The following MRPS27 variants were observed in gnomAD, a reference collection of about 807,000 sequenced individuals.
MRPS27 encodes the protein mitochondrial ribosomal protein S27, also known as small ribosomal subunit protein mS27.
A neutral mutation model predicts 48.9 loss-of-function variants in MRPS27; 43 were observed. The observed-to-expected ratio is 0.88, with a 90% CI of 0.69 to 1.13. The LOEUF (loss-of-function observed/expected upper bound fraction) is 1.13. MRPS27 is among the 50% of genes most tolerant of loss of function. The pLI is 0.00. For missense variants in MRPS27, 467 were observed against 476.3 expected, an observed-to-expected ratio of 0.98 and a Z score of 0.18; for synonymous variants, 188 against 171.9, an observed-to-expected ratio of 1.09 and a Z score of -0.73.
chr5:72,245,152 G>GT (rs1438697828), intron 4 of MRPS27, among the ~76,000 whole-genome samples: 2 of 152,144 alleles, frequency 1.3e-5, no homozygotes, highest in Admixed American at 6.5e-5. Flanking sequence ...GAAGCAGCTG[G>GT]TAAGACTTCT....
At chr5:72,298,634 A>T (rs1306361854) in intron 2 of MRPS27, among the ~76,000 whole-genome samples, 1 of 150,654 alleles carries the variant, frequency 6.6e-6, no homozygotes, top group African/African-American at 2.4e-5. Flanking sequence ...TGAACCCGGG[A>T]AGCGGAGCTT....
At position 72,232,551 on chromosome 5, in the gene MRPS27, T is replaced by C. The variant is rs754551512; in HGVS notation, c.483A>G (p.Leu161=). The change falls in exon 7 of 11, where the codon TTA becomes TTG. Residue 161 remains leucine, a synonymous_variant. Coordinates refer to ENST00000261413, the MANE Select transcript of MRPS27 (RefSeq NM_015084.3). ...FIKKENYKDA[L]SVVFEVMMQE... ...GCATCATGACCTCAAAAACCACAGA[T>C]AAAGCATCTAGCAGAAGATGAAAGT... is the stretch of plus-strand genomic sequence containing the variant. 1.9e-6 allele frequency: 3 copies of C among 1,604,016 alleles called. No individual in the cohort carries two copies. Among genetic ancestry groups the C allele is most frequent in the East Asian group, 2.2e-5 (1 of 44,762 alleles).
intron 4 of MRPS27, among the ~76,000 whole-genome samples, chr5:72,263,084 G>A (rs975944414): frequency 3.9e-5 from 6 of 152,180 alleles, no homozygotes; most frequent in Non-Finnish European, 5.9e-5. Flanking sequence ...CAAGGCACCA[G>A]TTTTCATGGT....
intron 4 of MRPS27, among the ~76,000 whole-genome samples, chr5:72,280,386 G>A (rs1029235203): frequency 6.6e-6 from 1 of 152,074 alleles, no homozygotes; most frequent in Non-Finnish European, 1.5e-5. Flanking sequence ...CTAAAAACAA[G>A]TGATTTTTCC....
At chr5:72,237,467 A>G (rs1170741125) in intron 5 of MRPS27, among the ~76,000 whole-genome samples, 4 of 152,206 alleles carry the variant, frequency 2.6e-5, no homozygotes, top group African/African-American at 4.8e-5. Flanking sequence ...AAAGACTGTT[A>G]AAATATCTTT....
At chr5:72,228,096 T>A in intron 8 of MRPS27, 170 bp downstream of exon 8, 1 of 603,086 alleles carries the variant, frequency 1.7e-6, no homozygotes, top group Admixed American at 3.2e-5. Context: ...CCCTCTTTAC[T>A]CTCTTATGGA....
At chr5:72,221,389 T>A (rs1477636129) in intron 10 of MRPS27, among the ~76,000 whole-genome samples, 1 of 152,226 alleles carries the variant, frequency 6.6e-6, no homozygotes, top group Non-Finnish European at 1.5e-5. Context: ...CAGGTGCTGT[T>A]AGCTGTGGTT....
chr5:72,302,724 T>A (rs1225275355), intron 2 of MRPS27, among the ~76,000 whole-genome samples: 1 of 152,204 alleles, frequency 6.6e-6, no homozygotes, highest in Non-Finnish European at 1.5e-5. Flanking sequence ...GAGCATGTGA[T>A]GATCTACAGT....
intron 4 of MRPS27, among the ~76,000 whole-genome samples, chr5:72,247,071 GTA>G (rs1013521492): frequency 1.3e-5 from 2 of 152,182 alleles, no homozygotes; most frequent in African/African-American, 4.8e-5. Context: ...TCCTGCAACT[GTA>G]AAATGAAGAG....
chr5:72,288,159 T>G (rs914812304), intron 4 of MRPS27, among the ~76,000 whole-genome samples: 1 of 151,490 alleles, frequency 6.6e-6, no homozygotes, highest in Non-Finnish European at 1.5e-5. Flanking sequence ...GATGAAATAA[T>G]AAGACCAGTG....
At chr5:72,244,870 GCTCTCT>G (rs5868631) in intron 4 of MRPS27, among the ~76,000 whole-genome samples, 4 of 149,620 alleles carry the variant, frequency 2.7e-5, no homozygotes, top group African/African-American at 4.9e-5. Context: ...AAGCTCTGCT[GCTCTCT>G]CTCTCTCTCT....
intron 2 of MRPS27, among the ~76,000 whole-genome samples, chr5:72,300,701 T>C (rs745356170): frequency 5.9e-5 from 9 of 152,206 alleles, no homozygotes; most frequent in Admixed American, 6.5e-5. Context: ...AAAATAACTA[T>C]ATATTTCTCA....
At chr5:72,317,681 TTTTA>T (rs1187754793) in intron 1 of MRPS27, among the ~76,000 whole-genome samples, 1 of 151,698 alleles carries the variant, frequency 6.6e-6, no homozygotes, top group Non-Finnish European at 1.5e-5. Flanking sequence ...CCCGGCCTAA[TTTTA>T]TTTATTATTA....
intron 4 of MRPS27, among the ~76,000 whole-genome samples, chr5:72,292,151 A>ATTTTAATC (rs1749838019): frequency 8.2e-6 from 1 of 121,280 alleles, no homozygotes; most frequent in Non-Finnish European, 1.8e-5. Flanking sequence ...CTTTGTTGCT[A>ATTTTAATC]TTTTAATCAC....
Position 72,232,481 on chromosome 5 carries a change from CAT to C in MRPS27, c.551_552del (p.Tyr184CysfsTer73), listed in dbSNP as rs781723086. On this transcript the variant is annotated frameshift_variant, in exon 7 of 11. Coordinates refer to ENST00000261413, the MANE Select transcript of MRPS27 (RefSeq NM_015084.3). LOFTEE classifies it high-confidence loss of function. ...EVPSTQLLSL[Y>X]VLFHCLAKKT... ...TTCTTTGCCAGGCAATGAAATAAAACATAGAGGGAGAGAAGTTGGGTGGAAGG... is the reference window on the plus strand; with the variant it reads ...TTCTTTGCCAGGCAATGAAATAAAACAGAGGGAGAGAAGTTGGGTGGAAGG... 1.9e-6 allele frequency: 3 copies of C among 1,612,538 alleles called. No individual in the cohort carries two copies. The highest frequency in any genetic ancestry group is 2.5e-6 in the Non-Finnish European group (3 of 1,179,052).
intron 2 of MRPS27, among the ~76,000 whole-genome samples, chr5:72,302,999 A>G (rs1750162250): frequency 6.6e-6 from 1 of 152,250 alleles, no homozygotes; most frequent in Admixed American, 6.5e-5. Context: ...GTGATCCAAA[A>G]TATACCAAGC....
rs183346076 is a variant in MRPS27 at position 72,278,569 on chromosome 5, C to G, written c.281+16962G>C. Reference sequence around the variant, plus strand: ...TTTCCGGATCCTACTCCAACCCCATCCTGCTTCTTCATAGGTAGATAATAC... The same window carrying G: ...TTTCCGGATCCTACTCCAACCCCATGCTGCTTCTTCATAGGTAGATAATAC... On this transcript the variant is annotated intron_variant, in intron 4 of 10. Transcript: ENST00000261413. Among the ~76,000 whole-genome samples, 964 of 152,208 alleles carry G rather than the reference C, an allele frequency of 6.3e-3. 6 individuals carry two copies. The highest frequency in any genetic ancestry group is 0.01 in the Non-Finnish European group (682 of 68,022).
At chr5:72,284,260 A>C (rs1337153584) in intron 4 of MRPS27, among the ~76,000 whole-genome samples, 1 of 151,204 alleles carries the variant, frequency 6.6e-6, no homozygotes, top group East Asian at 1.9e-4. Context: ...AAAAAAAAAA[A>C]AAAACACCAC....
At chr5:72,266,949 C>T (rs1462878184) in intron 4 of MRPS27, among the ~76,000 whole-genome samples, 2 of 152,138 alleles carry the variant, frequency 1.3e-5, no homozygotes, top group Admixed American at 6.5e-5. Context: ...AATTTTATGG[C>T]TGCAGAGTCC....
Sources: gnomAD v4.1 joint callset for allele counts (sites outside exome capture counted in the v4.1 genomes callset) on GRCh38, gnomAD v4.1.1 for gene constraint, MANE v1.5 for transcripts, NCBI Gene and HGNC (gene_info 2026-07-23, HGNC 2026-07-21) for gene names.